The following TSPAN9 variants were observed in gnomAD, a reference collection of about 807,000 sequenced individuals.
TSPAN9 encodes tetraspanin-9.
Under a neutral mutation model 31.0 loss-of-function variants are expected in TSPAN9, and 16 were observed. The ratio of observed to expected loss-of-function variants is 0.52; its 90% CI spans 0.35 to 0.78. The LOEUF (loss-of-function observed/expected upper bound fraction) is 0.78. Ranked by LOEUF, TSPAN9 falls within the 30% of genes least tolerant of loss-of-function variation. The pLI, the probability that TSPAN9 is intolerant of heterozygous loss-of-function variation, is 0.01. For missense variants in TSPAN9, 272 were observed against 312.5 expected, an observed-to-expected ratio of 0.87 and a Z score of 0.98; for synonymous variants, 145 against 121.6, an observed-to-expected ratio of 1.19 and a Z score of -1.27.
intron 2 of TSPAN9, among the ~76,000 whole-genome samples, chr12:3,161,083 G>T (rs908644504): frequency 6.6e-6 from 1 of 152,158 alleles, no homozygotes; most frequent in Non-Finnish European, 1.5e-5. Flanking sequence ...AGCCTGGCAT[G>T]GTGGTGCATA....
At chr12:3,126,803 G>A (rs1200100859) in intron 2 of TSPAN9, among the ~76,000 whole-genome samples, 1 of 151,920 alleles carries the variant, frequency 6.6e-6, no homozygotes, top group Non-Finnish European at 1.5e-5. Context: ...TTGCTTGAGT[G>A]TAGGAGGTGG....
intron 3 of TSPAN9, among the ~76,000 whole-genome samples, chr12:3,210,987 CCTT>C (rs1306726956): frequency 2.0e-5 from 3 of 152,136 alleles, no homozygotes; most frequent in Non-Finnish European, 4.4e-5. Flanking sequence ...CTCAAGCAAT[CCTT>C]CTGCCTCGGC....
chr12:3,088,266 A>G lies in TSPAN9; in HGVS notation c.-18+4547A>G, dbSNP rs926559784. Among the ~76,000 whole-genome samples the G allele has an allele frequency of 2.0e-5, 3 of 152,262 alleles. No individual in the cohort carries two copies. The South Asian group carries it at 6.2e-4, about 32-fold the overall frequency. ...GCAAAGACCTGAGTGAGGAAGAGCC[A>G]TTGGGTCCCCCAGGAAAACAATTAG... On this transcript the variant is annotated intron_variant, in intron 2 of 8. Transcript: ENST00000011898.
At chr12:3,231,191 CAG>C (rs762117397) in intron 3 of TSPAN9, among the ~76,000 whole-genome samples, 2 of 152,246 alleles carry the variant, frequency 1.3e-5, no homozygotes, top group South Asian at 4.1e-4. Flanking sequence ...CAGAAAGCAA[CAG>C]AACAGCAGGT....
chr12:3,111,797 A>G (rs2098318886), intron 2 of TSPAN9, among the ~76,000 whole-genome samples: 1 of 151,966 alleles, frequency 6.6e-6, no homozygotes, highest in Non-Finnish European at 1.5e-5. Flanking sequence ...TTTTTAGTAG[A>G]GACAGGGTTT....
intron 3 of TSPAN9, among the ~76,000 whole-genome samples, chr12:3,232,238 A>G (rs989035324): frequency 1.3e-5 from 2 of 151,932 alleles, no homozygotes; most frequent in Admixed American, 6.5e-5. Context: ...TCTCTTAAAA[A>G]TATCTCCTCT....
chr12:3,184,413 AAGAAAG>A (rs1038830566), intron 2 of TSPAN9, among the ~76,000 whole-genome samples: 16 of 151,958 alleles, frequency 1.1e-4, no homozygotes, highest in African/African-American at 2.4e-4. Context: ...GAAAAAAAGA[AAGAAAG>A]AGAAAGAGAG....
intron 2 of TSPAN9, among the ~76,000 whole-genome samples, chr12:3,154,974 G>A (rs2098341509): frequency 6.6e-6 from 1 of 152,212 alleles, no homozygotes. Context: ...ATTTCTCAAA[G>A]GGCAGTGGTC....
chr12:3,120,470 C>T (rs933195771), intron 2 of TSPAN9, among the ~76,000 whole-genome samples: 1 of 152,178 alleles, frequency 6.6e-6, no homozygotes, highest in Non-Finnish European at 1.5e-5. Flanking sequence ...GCCAGCCCGT[C>T]ACTCTCTCTT....
At chr12:3,275,634 C>T (rs1014521772) in intron 3 of TSPAN9, among the ~76,000 whole-genome samples, 1 of 152,258 alleles carries the variant, frequency 6.6e-6, no homozygotes, top group Non-Finnish European at 1.5e-5. Context: ...CACCTAGTGG[C>T]CGTAGGCGGG....
intron 3 of TSPAN9, among the ~76,000 whole-genome samples, chr12:3,254,187 C>T (rs1862304633): frequency 6.6e-6 from 1 of 152,252 alleles, no homozygotes; most frequent in Non-Finnish European, 1.5e-5. Context: ...GCAGCACAGG[C>T]TGGGCAGGGG....
intron 3 of TSPAN9, among the ~76,000 whole-genome samples, chr12:3,209,766 T>C (rs2098377380): frequency 2.0e-5 from 3 of 151,434 alleles, no homozygotes; most frequent in Admixed American, 1.3e-4. Context: ...GAGACCATCC[T>C]GGCTAACACG....
At chr12:3,204,594 T>C (rs370130994) in intron 3 of TSPAN9, among the ~76,000 whole-genome samples, 11 of 152,192 alleles carry the variant, frequency 7.2e-5, no homozygotes, top group African/African-American at 2.6e-4. Flanking sequence ...CAGTGCACTG[T>C]GGGAATCTGG....
chr12:3,108,604 G>T (rs10774115), intron 2 of TSPAN9, among the ~76,000 whole-genome samples: 61,595 of 151,982 alleles, frequency 0.41, 13,270 homozygotes, highest in Admixed American at 0.54. Context: ...TTAGTTCAGG[G>T]AAATTTTCTT....
At chr12:3,227,616 G>A (rs2098388516) in intron 3 of TSPAN9, among the ~76,000 whole-genome samples, 1 of 152,218 alleles carries the variant, frequency 6.6e-6, no homozygotes, top group East Asian at 1.9e-4. Flanking sequence ...TGTTTGTGTG[G>A]CAGGCAGGCT....
chr12:3,140,367 G>A (rs960166193), intron 2 of TSPAN9, among the ~76,000 whole-genome samples: 8 of 152,142 alleles, frequency 5.3e-5, no homozygotes, highest in African/African-American at 1.9e-4. Context: ...GGGCCAGTTT[G>A]GGTGTTGTTG....
At position 3,104,596 on chromosome 12, in the gene TSPAN9, C is replaced by T. The variant is rs547172381; in HGVS notation, c.-18+20877C>T. On this transcript the variant is annotated intron_variant, in intron 2 of 8. Transcript: ENST00000011898. ...TTCGAACTCCTGGGCTCAAGCATTCCTCCTGCCTCAGCCTCCCAAAGTGCT... is the reference window on the plus strand; with the variant it reads ...TTCGAACTCCTGGGCTCAAGCATTCTTCCTGCCTCAGCCTCCCAAAGTGCT... 3.3e-5 allele frequency among the ~76,000 whole-genome samples: 5 copies of T among 152,234 alleles called. No individual in the cohort carries two copies. The South Asian group carries it at 1.0e-3, about 32-fold the overall frequency.
At chr12:3,272,606 GA>G (rs1166295752) in intron 3 of TSPAN9, among the ~76,000 whole-genome samples, 3 of 152,028 alleles carry the variant, frequency 2.0e-5, no homozygotes, top group African/African-American at 7.2e-5. Context: ...AGAAGCCTGA[GA>G]GGTCCTAGGT....
At position 3,168,934 on chromosome 12, in the gene TSPAN9, G is replaced by A. The variant is rs1279340977; in HGVS notation, c.-17-32243G>A. Among the ~76,000 whole-genome samples, 1 of 152,224 alleles carries A rather than the reference G, an allele frequency of 6.6e-6. No homozygotes were observed. The highest frequency in any genetic ancestry group is 6.5e-5 in the Admixed American group (1 of 15,284). On this transcript the variant is annotated intron_variant, in intron 2 of 8. Transcript: ENST00000011898. This position sits in a 1 kb window ranked among gnomAD's most constrained non-coding sequence, Gnocchi z 4.0. ...GAAGGAAGGTAGTGGGGAAATACAA[G>A]GTGGTGATCTCATGTGGCATTAAAC... is the stretch of plus-strand genomic sequence containing the variant.
Sources: gnomAD v4.1 joint callset for allele counts (sites outside exome capture counted in the v4.1 genomes callset) on GRCh38, gnomAD v4.1.1 for gene constraint, Gnocchi (gnomAD v3.1) non-coding constraint, MANE v1.5 for transcripts, NCBI Gene and HGNC (gene_info 2026-07-23, HGNC 2026-07-21) for gene names.